NFATC2: variants seen among roughly 807,000 people sequenced by gnomAD.
NFATC2 encodes nuclear factor of activated T-cells, cytoplasmic 2.
NFATC2 carries 22 observed loss-of-function variants against 87.3 expected under a neutral mutation model. The ratio of observed to expected loss-of-function variants is 0.25; its 90% CI spans 0.18 to 0.36. The LOEUF is 0.36. Among genes scored for constraint, NFATC2 ranks in the 10% least tolerant of loss-of-function variants. The probability of loss-of-function intolerance (pLI) is 1.00; values close to 1 mark genes in which losing one functional copy is unlikely to be tolerated. For missense variants in NFATC2, 1,149 were observed against 1,259.1 expected (o/e 0.91, Z 1.32); for synonymous variants, 565 against 542.2 (o/e 1.04, Z -0.58).
chr20:51,485,591 T>C (rs1989635925), intron 3 of NFATC2, among the ~76,000 whole-genome samples: 1 of 152,180 alleles, frequency 6.6e-6, no homozygotes, highest in South Asian at 2.1e-4. Flanking sequence ...ATATTCCTCT[T>C]GCGCAGAACC....
At chr20:51,544,989 C>A (rs1452085405), upstream of NFATC2, among the ~76,000 whole-genome samples, 2 of 152,200 alleles carry the variant, frequency 1.3e-5, no homozygotes, top group African/African-American at 4.8e-5. Context: ...GTGTATCCAA[C>A]AAGCATCTTG....
rs1320655439 is a variant in NFATC2 at position 51,388,870 on chromosome 20, C to A, written c.*2626G>T. 1 of 152,190 alleles carries A rather than the reference C, an allele frequency of 6.6e-6. No individual in the cohort carries two copies. The highest frequency in any genetic ancestry group is 1.5e-5 in the Non-Finnish European group (1 of 68,034). The allele number at this position is 152,190 out of a possible 1,614,324, so 9.4% of individuals were successfully genotyped here. A position where few individuals can be genotyped will look rare whatever the true frequency, so the allele number is the denominator to read the frequency against. ...CACACCCATCTTTACCATTTAGACA[C>A]CCCTACTTTCTCATTCTCTTAGAGG... On this transcript the variant is annotated 3_prime_UTR_variant, in exon 11 of 11. Transcript: ENST00000371564.
chr20:51,491,676 T>G (rs894129323), intron 3 of NFATC2, among the ~76,000 whole-genome samples: 1 of 152,028 alleles, frequency 6.6e-6, no homozygotes, highest in African/African-American at 2.4e-5. Flanking sequence ...ACAGAGTTCC[T>G]GGAACTTTAA....
At chr20:51,552,273 T>G (rs2076940726) in intron 1 of NFATC2, among the ~76,000 whole-genome samples, 2 of 152,190 alleles carry the variant, frequency 1.3e-5, no homozygotes, top group Non-Finnish European at 1.5e-5. Flanking sequence ...CAAGTACCTG[T>G]CTCAAATATA....
chr20:51,489,230 G>A (rs1444588451), intron 3 of NFATC2, among the ~76,000 whole-genome samples: 3 of 151,420 alleles, frequency 2.0e-5, no homozygotes, highest in Admixed American at 2.0e-4. Flanking sequence ...GAGTTCCTGG[G>A]AGGAAGCTCA....
At position 51,432,693 on chromosome 20, in the gene NFATC2, T is replaced by C. The variant is rs369030369; in HGVS notation, c.2096A>G (p.His699Arg). The C allele has an allele frequency of 3.2e-5, 50 of 1,581,730 alleles. No homozygotes were observed. The African/African-American group carries it at 6.2e-4, about 20-fold the overall frequency. Reference sequence around the variant, plus strand: ...GTAAGGCTGGCTCCCCAGGCCTCCATGGGTGGGGCTGCAGATCAGAGTGGG... The same window carrying C: ...GTAAGGCTGGCTCCCCAGGCCTCCACGGGTGGGGCTGCAGATCAGAGTGGG... ...YDPTLICSPT[H>R]GGLGSQPYYP... Residue 699 changes from histidine (H) to arginine (R), a missense_variant, in exon 9 of 11, where the codon CAT becomes CGT. Coordinates refer to ENST00000371564, the MANE Select transcript of NFATC2 (RefSeq NM_012340.5). This position sits in a 1 kb window ranked among gnomAD's most constrained non-coding sequence, Gnocchi z 4.6.
intron 3 of NFATC2, among the ~76,000 whole-genome samples, chr20:51,504,337 T>A (rs889025720): frequency 6.6e-6 from 1 of 152,174 alleles, no homozygotes; most frequent in Non-Finnish European, 1.5e-5. Flanking sequence ...GGTTTCATCA[T>A]GTTGGCCAGG....
rs202247480 is a variant in NFATC2 at position 51,397,774 on chromosome 20, C to T, written c.*44+869G>A. Among the ~76,000 whole-genome samples the T allele has an allele frequency of 2.9e-4, 44 of 152,276 alleles. No individual in the cohort carries two copies. In the East Asian group the frequency reaches 6.8e-3, roughly 23 times the overall value. On this transcript the variant is annotated intron_variant, in intron 10 of 10. Coordinates refer to ENST00000371564, the MANE Select transcript of NFATC2 (RefSeq NM_012340.5). ...TCCTCTGGCAATCATGCTTCTCAAGCGTCAGCTCCCCTGGGTGTACTAATA... is the reference window on the plus strand; with the variant it reads ...TCCTCTGGCAATCATGCTTCTCAAGTGTCAGCTCCCCTGGGTGTACTAATA...
At chr20:51,441,429 A>G (rs1984320802) in intron 6 of NFATC2, among the ~76,000 whole-genome samples, 1 of 151,124 alleles carries the variant, frequency 6.6e-6, no homozygotes, top group Admixed American at 6.6e-5. Flanking sequence ...AAAATGATAA[A>G]GTTTGGCCAG....
At chr20:51,419,783 G>T (rs917460225) in intron 9 of NFATC2, among the ~76,000 whole-genome samples, 1 of 152,156 alleles carries the variant, frequency 6.6e-6, no homozygotes, top group Non-Finnish European at 1.5e-5. Flanking sequence ...GGGATTTCAT[G>T]ATTTCCCCTT....
Position 51,492,428 on chromosome 20 carries a change from G to C in NFATC2, c.1333-16768C>G, listed in dbSNP as rs1227921567. 2.0e-5 allele frequency among the ~76,000 whole-genome samples: 3 copies of C among 152,222 alleles called. No individual in the cohort carries two copies. In the East Asian group the frequency reaches 5.8e-4, roughly 29 times the overall value. On this transcript the variant is annotated intron_variant, in intron 3 of 10. Coordinates refer to ENST00000371564, the MANE Select transcript of NFATC2 (RefSeq NM_012340.5). ...CCCCAGAGAAGTGGGCGCCTGCTGCGCTAAACGTCATCCGTCATCCTTTCG... is the reference window on the plus strand; with the variant it reads ...CCCCAGAGAAGTGGGCGCCTGCTGCCCTAAACGTCATCCGTCATCCTTTCG...
chr20:51,515,834 A>G (rs2076342703), intron 3 of NFATC2, among the ~76,000 whole-genome samples: 1 of 152,098 alleles, frequency 6.6e-6, no homozygotes, highest in Admixed American at 6.6e-5. Context: ...GGCTTTACTC[A>G]TGTTATATAG....
At chr20:51,492,907 G>C (rs1163869898) in intron 3 of NFATC2, among the ~76,000 whole-genome samples, 1 of 152,248 alleles carries the variant, frequency 6.6e-6, no homozygotes, top group African/African-American at 2.4e-5. Flanking sequence ...CTCGGTCAGC[G>C]ACGTATCCAC....
intron 6 of NFATC2, among the ~76,000 whole-genome samples, chr20:51,440,066 G>A (rs228827): frequency 0.85 from 129,662 of 151,976 alleles, 55,360 homozygotes; most frequent in East Asian, 0.96. Flanking sequence ...GTAAAACCCC[G>A]TCTCTACTAA....
intron 3 of NFATC2, among the ~76,000 whole-genome samples, chr20:51,479,558 T>C (rs1432590010): frequency 1.3e-5 from 2 of 152,176 alleles, no homozygotes; most frequent in African/African-American, 2.4e-5. Flanking sequence ...AGGTTGAGGC[T>C]ACAGTGAGCC....
chr20:51,410,369 C>T (rs1419508531), intron 9 of NFATC2, among the ~76,000 whole-genome samples: 6 of 151,870 alleles, frequency 4.0e-5, no homozygotes, highest in Admixed American at 2.6e-4. Flanking sequence ...AAAAATGTAA[C>T]TGAAAGATTT....
At position 51,480,978 on chromosome 20, in the gene NFATC2, G is replaced by A. The variant is rs1422558530; in HGVS notation, c.1333-5318C>T. 3.9e-5 allele frequency among the ~76,000 whole-genome samples: 6 copies of A among 152,186 alleles called. No homozygotes were observed. Among genetic ancestry groups the A allele is most frequent in the African/African-American group, 1.4e-4 (6 of 41,468 alleles). ...AGGCACTAATTGCAGTCTTCTCAGT[G>A]GGCTGGCTCAACAGTTGCCGGCTTG... On this transcript the variant is annotated intron_variant, in intron 3 of 10. Coordinates refer to ENST00000371564, the MANE Select transcript of NFATC2 (RefSeq NM_012340.5). This position sits in a 1 kb window ranked among gnomAD's most constrained non-coding sequence, Gnocchi z 4.2.
intron 1 of NFATC2, among the ~76,000 whole-genome samples, chr20:51,540,647 G>GTTTTTTTTGTTTTT (rs2076793590): frequency 4.4e-5 from 5 of 112,974 alleles, no homozygotes; most frequent in African/African-American, 2.2e-4. Flanking sequence ...AAAAACTGAA[G>GTTTTTTTTGTTTTT]TTTTTTTTTT....
At chr20:51,407,892 C>T (rs1978576970) in intron 9 of NFATC2, among the ~76,000 whole-genome samples, 1 of 152,218 alleles carries the variant, frequency 6.6e-6, no homozygotes, top group Non-Finnish European at 1.5e-5. Context: ...CCAACTGGGA[C>T]ATGGCTAGAA....
Sources: gnomAD v4.1 joint callset for allele counts (sites outside exome capture counted in the v4.1 genomes callset) on GRCh38, gnomAD v4.1.1 for gene constraint, Gnocchi (gnomAD v3.1) non-coding constraint, MANE v1.5 for transcripts, NCBI Gene and HGNC (gene_info 2026-07-23, HGNC 2026-07-21) for gene names.